ABCC1: variants seen among roughly 807,000 people sequenced by gnomAD.
The protein encoded by ABCC1 is ATP binding cassette subfamily C member 1 (ABCC1 blood group).
A neutral mutation model predicts 172.9 loss-of-function variants in ABCC1; 83 were observed. That is an observed-to-expected ratio of 0.48 (90% CI 0.40 to 0.58). The LOEUF (loss-of-function observed/expected upper bound fraction) is 0.58. Among genes scored for constraint, ABCC1 ranks in the 20% least tolerant of loss-of-function variants. ABCC1 has a pLI of 0.00. For missense variants in ABCC1, 1,817 were observed against 2,002.7 expected, an observed-to-expected ratio of 0.91 and a Z score of 1.77; for synonymous variants, 937 against 825.2, an observed-to-expected ratio of 1.14 and a Z score of -2.32.
chr16:15,965,125 C>A (rs1006784472), intron 1 of ABCC1, among the ~76,000 whole-genome samples: 2 of 152,096 alleles, frequency 1.3e-5, no homozygotes, highest in African/African-American at 4.8e-5. Context: ...ATACTGTCTC[C>A]TATGTTTTTA....
At chr16:16,029,254 TCA>T (rs2048479827) in intron 5 of ABCC1, among the ~76,000 whole-genome samples, 1 of 152,134 alleles carries the variant, frequency 6.6e-6, no homozygotes, top group South Asian at 2.1e-4. Context: ...AGACAGGGTC[TCA>T]CTATTACCCA....
At chr16:15,965,228 A>G (rs948267341) in intron 1 of ABCC1, among the ~76,000 whole-genome samples, 2 of 151,924 alleles carry the variant, frequency 1.3e-5, no homozygotes, top group Admixed American at 6.6e-5. Context: ...TTGGTGGGCT[A>G]TAATCACATA....
chr16:15,962,550 TCA>T (rs764304389), intron 1 of ABCC1, among the ~76,000 whole-genome samples: 21 of 152,306 alleles, frequency 1.4e-4, no homozygotes, highest in Non-Finnish European at 3.1e-4. Flanking sequence ...TTTAATTGAC[TCA>T]CAGTTCTGCA....
chr16:15,997,849 T>G (rs2047112023), intron 1 of ABCC1, among the ~76,000 whole-genome samples: 2 of 143,940 alleles, frequency 1.4e-5, no homozygotes, highest in African/African-American at 5.2e-5. Flanking sequence ...AGTCTCGCTC[T>G]GTCACCCAGG....
intron 1 of ABCC1, among the ~76,000 whole-genome samples, chr16:15,983,457 T>C (rs1023887430): frequency 2.0e-5 from 3 of 151,858 alleles, no homozygotes; most frequent in Non-Finnish European, 4.4e-5. Flanking sequence ...GGAAACCTAT[T>C]TGGAGGCTGG....
intron 19 of ABCC1, among the ~76,000 whole-genome samples, chr16:16,096,117 A>G (rs1374013840): frequency 6.6e-6 from 1 of 151,836 alleles, no homozygotes; most frequent in Non-Finnish European, 1.5e-5. Flanking sequence ...AAATACAGAA[A>G]TGTCAGGAGG....
At chr16:15,977,588 G>A (rs952603862) in intron 1 of ABCC1, among the ~76,000 whole-genome samples, 1 of 151,994 alleles carries the variant, frequency 6.6e-6, no homozygotes, top group African/African-American at 2.4e-5. Flanking sequence ...TTGGAGTGAG[G>A]TTCCCTCCTG....
chr16:16,124,335 G>GTGTGTGTA (rs1555502587), intron 24 of ABCC1, among the ~76,000 whole-genome samples: 1,137 of 87,966 alleles, frequency 0.013, 73 homozygotes, highest in African/African-American at 0.048. Flanking sequence ...GTGTGTGTGT[G>GTGTGTGTA]TGTGTGTGTG....
At chr16:16,126,945 G>A (rs2045466369) in intron 26 of ABCC1, among the ~76,000 whole-genome samples, 1 of 152,120 alleles carries the variant, frequency 6.6e-6, no homozygotes, top group African/African-American at 2.4e-5. Context: ...CCTGGGGAGG[G>A]ACAACAGCTG....
rs969384546 is a variant in ABCC1, at chr16:15,979,490, T to TTC, written c.49-28310_49-28309dup. Reference sequence around the variant, plus strand: ...ATAGCCAAAATGACCCTGGGGCTTATTCTCTCTCTCTCTCTCTTTTTTAAT... The same window carrying TTC: ...ATAGCCAAAATGACCCTGGGGCTTATTCTCTCTCTCTCTCTCTCTTTTTTAAT... On this transcript the variant is annotated intron_variant, in intron 1 of 30. Transcript: ENST00000399410. Among the ~76,000 whole-genome samples, 50 of 145,412 alleles carry TTC rather than the reference T, an allele frequency of 3.4e-4. 1 individual carries two copies. Among genetic ancestry groups the TTC allele is most frequent in the South Asian group, 6.7e-4 (3 of 4,494 alleles).
chr16:16,110,892 G>C (rs1258644034), intron 21 of ABCC1, among the ~76,000 whole-genome samples: 1 of 152,020 alleles, frequency 6.6e-6, no homozygotes, highest in Non-Finnish European at 1.5e-5. Flanking sequence ...CATGAGGGCA[G>C]AGACCCTGAG....
rs1372840011 is a variant in ABCC1, at chr16:15,997,828, C to CT, written c.49-9988_49-9987insT. On this transcript the variant is annotated intron_variant, in intron 1 of 30. Transcript: ENST00000399410. ...ACCTTTTTTTTTTTTTTTTTTTTTT[C>CT]CCTGAGACAGAGTCTCGCTCTGTCA... 6.8e-5 allele frequency among the ~76,000 whole-genome samples: 9 copies of CT among 132,722 alleles called. 1 individual carries two copies. Among genetic ancestry groups the CT allele is most frequent in the Non-Finnish European group, 9.3e-5 (6 of 64,812 alleles). The allele number at this position is 132,722 out of a possible 152,430, so 87.1% of individuals were successfully genotyped here.
intron 13 of ABCC1, among the ~76,000 whole-genome samples, chr16:16,069,637 A>C (rs957273271): frequency 3.9e-5 from 6 of 152,130 alleles, no homozygotes; most frequent in Admixed American, 1.3e-4. Context: ...GCTTTGTCAA[A>C]AACAAAAAAA....
chr16:15,967,786 AC>A, intron 1 of ABCC1, among the ~76,000 whole-genome samples: 1 of 151,092 alleles, frequency 6.6e-6, no homozygotes, highest in Non-Finnish European at 1.5e-5. Flanking sequence ...CAAAAAAAAA[AC>A]TTGTTTAACT....
In ABCC1 at chr16:16,071,658, A is replaced by C. The variant is rs780478003; in HGVS notation, c.1841A>C (p.Lys614Thr). 1.9e-6 allele frequency: 3 copies of C among 1,613,970 alleles called. No individual in the cohort carries two copies. Among genetic ancestry groups the C allele is most frequent in the Non-Finnish European group, 2.5e-6 (3 of 1,179,946 alleles). The change falls in exon 14 of 31, where the codon AAA (lysine) becomes ACA (threonine). Residue 614 changes from lysine to threonine, a missense_variant. By Grantham distance (78) the Lys-to-Thr change is moderately conservative (BLOSUM62 -1). Transcript: ENST00000399410. ...SSIVQASVSL[K>T]RLRIFLSHEE... ...TCTGTACAGGCGAGTGTCTCCCTCA[A>C]ACGCCTGAGGATCTTTCTCTCCCAT...
chr16:16,024,319 A>C (rs1211792330), intron 5 of ABCC1, among the ~76,000 whole-genome samples: 1 of 152,020 alleles, frequency 6.6e-6, no homozygotes, highest in Non-Finnish European at 1.5e-5. Context: ...TCAAGGGTGC[A>C]ATTATGTGTC....
At chr16:15,990,906 G>A (rs750392106) in intron 1 of ABCC1, among the ~76,000 whole-genome samples, 5 of 148,872 alleles carry the variant, frequency 3.4e-5, no homozygotes, top group African/African-American at 7.5e-5. Context: ...CTTGTGATCC[G>A]CCTGCCTTGA....
intron 1 of ABCC1, among the ~76,000 whole-genome samples, chr16:15,959,665 T>G (rs771794821): frequency 5.9e-5 from 9 of 152,194 alleles, no homozygotes; most frequent in African/African-American, 9.6e-5. Flanking sequence ...GAAGCTCTAC[T>G]CCTTCATTTT....
At chr16:16,057,997 G>T (rs1021403635) in intron 12 of ABCC1, among the ~76,000 whole-genome samples, 7 of 152,054 alleles carry the variant, frequency 4.6e-5, no homozygotes, top group African/African-American at 1.7e-4. Flanking sequence ...CGCCCTGCTG[G>T]AATTACCCTT....
Sources: gnomAD v4.1 joint callset for allele counts (sites outside exome capture counted in the v4.1 genomes callset) on GRCh38, gnomAD v4.1.1 for gene constraint, MANE v1.5 for transcripts, NCBI Gene and HGNC (gene_info 2026-07-23, HGNC 2026-07-21) for gene names.